MACF1: variants seen among roughly 807,000 people sequenced by gnomAD.
MACF1 encodes the protein microtubule-actin cross-linking factor 1.
Under a neutral mutation model 854.8 loss-of-function variants are expected in MACF1, and 193 were observed. The observed-to-expected ratio is 0.23, with a 90% CI of 0.20 to 0.25. The LOEUF (loss-of-function observed/expected upper bound fraction) is 0.25, where lower values mean the gene tolerates loss of function less well. MACF1 is among the 10% of genes least tolerant of loss of function. The probability of loss-of-function intolerance (pLI) is 1.00; values close to 1 mark genes in which losing one functional copy is unlikely to be tolerated. For missense variants in MACF1, 7,722 were observed against 8,929.1 expected (o/e 0.86, Z 5.45); for synonymous variants, 3,185 against 3,226.7 (o/e 0.99, Z 0.44).
chr1:39,303,761 G>A (rs1571302398), intron 23 of MACF1, among the ~76,000 whole-genome samples: 1 of 151,788 alleles, frequency 6.6e-6, no homozygotes, highest in East Asian at 1.9e-4. Flanking sequence ...CTACTCGGGA[G>A]GCTGAGGCAG....
At chr1:39,208,316 C>T (rs1457519515) in intron 1 of MACF1, among the ~76,000 whole-genome samples, 2 of 152,000 alleles carry the variant, frequency 1.3e-5, no homozygotes, top group Non-Finnish European at 2.9e-5. Flanking sequence ...AGTTAACTGC[C>T]TCTGGAAAGC....
intron 89 of MACF1, 62 bp from the exon 90 acceptor site, chr1:39,458,308 T>C: frequency 6.4e-7 from 1 of 1,550,642 alleles, no homozygotes; most frequent in Admixed American, 1.8e-5. Flanking sequence ...AGCTCTTCCT[T>C]TGCCCCCATA....
At chr1:39,149,122 C>G (rs185137575) in intron 2 of MACF1, among the ~76,000 whole-genome samples, 1 of 152,028 alleles carries the variant, frequency 6.6e-6, no homozygotes, top group Non-Finnish European at 1.5e-5. Context: ...TCTTGAATGC[C>G]GGAGAGAGTG....
intron 58 of MACF1, among the ~76,000 whole-genome samples, chr1:39,408,538 G>T (rs1642806214): frequency 6.6e-6 from 1 of 152,170 alleles, no homozygotes; most frequent in African/African-American, 2.4e-5. Flanking sequence ...GGGAACTCGA[G>T]TGGCCGTCGC....
In MACF1 at chr1:39,322,976, A is replaced by G. The variant is rs780418433; in HGVS notation, c.4204A>G (p.Ser1402Gly). The change falls in exon 33 of 101, where the codon AGT becomes GGT. Residue 1402 changes from serine to glycine, a missense_variant. This residue lies in a region of MACF1 where 1,137 missense variants were observed against 1,263.0 expected (regional missense o/e 0.90). Transcript: ENST00000564288. ...AACAACTCAGCACGTGAAATACATCAGTGATGCACTCCGGCGTCTGGAGGA... is the reference window on the plus strand; with the variant it reads ...AACAACTCAGCACGTGAAATACATCGGTGATGCACTCCGGCGTCTGGAGGA... Reference protein sequence around the residue: ...TLTTQHVKYISDALRRLEEEE... With the variant: ...TLTTQHVKYIGDALRRLEEEE... The G allele has an allele frequency of 6.2e-7, 1 of 1,614,108 alleles. No homozygotes were observed. The highest frequency in any genetic ancestry group is 8.5e-7 in the Non-Finnish European group (1 of 1,179,972).
intron 6 of MACF1, among the ~76,000 whole-genome samples, chr1:39,273,130 A>G (rs1157524609): frequency 7.2e-6 from 1 of 139,266 alleles, no homozygotes; most frequent in East Asian, 2.0e-4. Context: ...CCTCTATACC[A>G]ATTTTTTTTT....
chr1:39,248,011 ACT>A (rs1357892168), intron 2 of MACF1, among the ~76,000 whole-genome samples: 1 of 151,980 alleles, frequency 6.6e-6, no homozygotes, highest in Non-Finnish European at 1.5e-5. Flanking sequence ...ACAGAGCAAG[ACT>A]CTGTCTCAAA....
chr1:39,126,227 A>T (rs1320929899), intron 2 of MACF1, among the ~76,000 whole-genome samples: 1 of 152,128 alleles, frequency 6.6e-6, no homozygotes, highest in Non-Finnish European at 1.5e-5. Context: ...TGTGAGGGAG[A>T]ACCTGTTCCA....
chr1:39,161,444 CTG>C (rs1643796699), intron 2 of MACF1, among the ~76,000 whole-genome samples: 1 of 152,174 alleles, frequency 6.6e-6, no homozygotes, highest in East Asian at 1.9e-4. Flanking sequence ...TGTCTCATGA[CTG>C]TAATCCCAGT....
chr1:39,302,873 A>G lies in MACF1; in HGVS notation c.2635-51A>G, dbSNP rs777341896. On this transcript the variant is annotated intron_variant, in intron 22 of 100. Coordinates refer to ENST00000564288, the MANE Select transcript of MACF1 (RefSeq NM_001394062.1). ...CTTTGGGATGAGGCACCAGGAAATA[A>G]TGGGTTGTTGGTTTATCCATTAGCA... The G allele has an allele frequency of 1.7e-5, 26 of 1,543,462 alleles. 1 individual carries two copies. In the South Asian group the frequency reaches 1.9e-4, roughly 11 times the overall value.
intron 61 of MACF1, among the ~76,000 whole-genome samples, chr1:39,425,840 A>G (rs949265205): frequency 6.6e-6 from 1 of 152,146 alleles, no homozygotes; most frequent in Non-Finnish European, 1.5e-5. Flanking sequence ...TTCCTGGTCC[A>G]TAAACTCCTT....
At position 39,303,008 on chromosome 1, in the gene MACF1, G is replaced by C. The variant is rs561916108; in HGVS notation, c.2719G>C (p.Glu907Gln). ...GAAAGTGATCAGCCCCACAGGGAACGAGGCAATGGTGCCGTCAGTCTGCTT... is the reference window on the plus strand; with the variant it reads ...GAAAGTGATCAGCCCCACAGGGAACCAGGCAATGGTGCCGTCAGTCTGCTT... ...KWKVISPTGN[E>Q]AMVPSVCFLI... Residue 907 changes from glutamate (E) to glutamine (Q), a missense_variant, in exon 23 of 101, where the codon GAG (glutamate) becomes CAG (glutamine). Around this residue, in one of 15 missense-constraint regions of MACF1, gnomAD observed 1,137 missense variants for 1,263.0 expected, o/e 0.90. Transcript: ENST00000564288. 1.2e-6 allele frequency: 2 copies of C among 1,614,178 alleles called. No individual in the cohort carries two copies. The highest frequency in any genetic ancestry group is 2.7e-5 in the African/African-American group (2 of 75,030).
intron 58 of MACF1, among the ~76,000 whole-genome samples, chr1:39,405,527 G>A (rs1283166146): frequency 3.9e-5 from 6 of 152,344 alleles, no homozygotes; most frequent in Admixed American, 1.3e-4. Context: ...GAGCAGACAA[G>A]GGCAGGATGC....
At position 39,442,277 on chromosome 1, in the gene MACF1, A is replaced by G. The variant is rs682351; in HGVS notation, c.18905A>G (p.Lys6302Arg). 3,014 of 1,607,590 alleles carry G rather than the reference A, an allele frequency of 1.9e-3. 42 individuals are homozygous for G. In the African/African-American group the frequency reaches 0.034, roughly 18 times the overall value. ...DIIREPLTEL[K>R]HLWENLGEKI... ...ATACGAGAACCACTGACAGAACTCA[A>G]ACACCTCTGGGAGAACCTGGGTGAG... Residue 6302 changes from lysine (K) to arginine (R), a missense_variant, in exon 76 of 101, where the codon AAA (lysine) becomes AGA (arginine). By Grantham distance (26) the Lys-to-Arg change is conservative (BLOSUM62 2). This residue lies in a region of MACF1 where 2,807 missense variants were observed against 3,235.8 expected (regional missense o/e 0.87). Transcript: ENST00000564288.
chr1:39,243,533 C>A (rs768110318), intron 2 of MACF1, among the ~76,000 whole-genome samples: 58 of 152,246 alleles, frequency 3.8e-4, no homozygotes, highest in Middle Eastern at 3.4e-3. Flanking sequence ...TCCTGAGTAG[C>A]TGGGATTGTA....
rs1309778394 is a variant in MACF1 at position 39,333,949 on chromosome 1, CAGTT to C, written c.7364_7367del (p.Val2455GlyfsTer4). 12 of 1,614,004 alleles carry C rather than the reference CAGTT, an allele frequency of 7.4e-6. No homozygotes were observed. Among genetic ancestry groups the C allele is most frequent in the Non-Finnish European group, 9.3e-6 (11 of 1,180,030 alleles). On this transcript the variant is annotated frameshift_variant, in exon 37 of 101. Coordinates refer to ENST00000564288, the MANE Select transcript of MACF1 (RefSeq NM_001394062.1). LOFTEE classifies it high-confidence loss of function. ...TCCAAAGGTAGAGATGCTGAAAAAA[CAGTT>C]AGGGAGAGATTAATTAGTTTACAAA...
intron 15 of MACF1, among the ~76,000 whole-genome samples, chr1:39,288,495 C>T (rs1457631437): frequency 7.6e-6 from 1 of 130,926 alleles, no homozygotes. Context: ...GAGACTCCAT[C>T]TAAAAAAAAA....
intron 2 of MACF1, among the ~76,000 whole-genome samples, chr1:39,121,444 A>C (rs1642708271): frequency 6.6e-6 from 1 of 151,118 alleles, no homozygotes. Context: ...GTTTTATTTT[A>C]TTTATTTATT....
chr1:39,381,091 C>A (rs1435224337), intron 55 of MACF1, among the ~76,000 whole-genome samples: 2 of 151,336 alleles, frequency 1.3e-5, no homozygotes, highest in African/African-American at 2.4e-5. Flanking sequence ...GGAGTTTGCT[C>A]TTGTTGTCCA....
Sources: allele counts gnomAD v4.1 joint callset (sites outside exome capture counted in the v4.1 genomes callset), GRCh38; gene constraint gnomAD v4.1.1; regional missense constraint gnomAD v4.1.1; transcripts MANE v1.5; gene names NCBI Gene and HGNC (gene_info 2026-07-23, HGNC 2026-07-21).